Variants in ROCK2 observed in about 807,000 individuals in gnomAD.
ROCK2 encodes rho-associated protein kinase 2.
A neutral mutation model predicts 195.1 loss-of-function variants in ROCK2; 61 were observed. That is an observed-to-expected ratio of 0.31 (90% confidence interval 0.25 to 0.39). The LOEUF (loss-of-function observed/expected upper bound fraction) is 0.39. Ranked by LOEUF, ROCK2 falls within the 10% of genes least tolerant of loss-of-function variation. The pLI is 1.00. For synonymous variants in ROCK2, 504 were observed against 545.5 expected (o/e 0.92, Z 1.06); for missense variants, 1,109 against 1,637.4 (o/e 0.68, Z 5.57).
chr2:11,185,240 AC>A (rs1461753827), intron 32 of ROCK2, among the ~76,000 whole-genome samples: 2 of 152,156 alleles, frequency 1.3e-5, no homozygotes, highest in Non-Finnish European at 2.9e-5. Context: ...TTCCAGTAGG[AC>A]CCTGCCTGCT....
At chr2:11,189,329 C>G (rs1663327024) in intron 32 of ROCK2, among the ~76,000 whole-genome samples, 1 of 152,140 alleles carries the variant, frequency 6.6e-6, no homozygotes, top group African/African-American at 2.4e-5. Flanking sequence ...CCTCTGTTTT[C>G]TTGGATGACC....
intron 1 of ROCK2, among the ~76,000 whole-genome samples, chr2:11,316,587 T>A (rs1345053721): frequency 6.6e-6 from 1 of 152,170 alleles, no homozygotes; most frequent in Middle Eastern, 3.2e-3. Flanking sequence ...GAATTTCTCT[T>A]TCAGGTATGC....
chr2:11,214,906 G>A lies in ROCK2; in HGVS notation c.1870C>T (p.Gln624Ter). Residue 624 changes from glutamine (Q) to a stop codon, truncating the protein, a stop_gained, in exon 16 of 33, where the codon CAG becomes TAG. Transcript: ENST00000315872. LOFTEE classifies it high-confidence loss of function. Reference protein sequence around the residue: ...LKLEKEFINLQSALESERRDR... With the variant: ...LKLEKEFINL ...CTCCTTTCAGATTCTAGAGCTGACT[G>A]AAGATTGATAAATTCCTTTTCAAGT... is the stretch of plus-strand genomic sequence containing the variant. 1 of 1,613,838 alleles carries A rather than the reference G, an allele frequency of 6.2e-7. No homozygotes were observed. Among genetic ancestry groups the A allele is most frequent in the South Asian group, 1.1e-5 (1 of 91,084 alleles).
intron 1 of ROCK2, among the ~76,000 whole-genome samples, chr2:11,320,820 T>A (rs1448756478): frequency 6.6e-6 from 1 of 152,134 alleles, no homozygotes; most frequent in Admixed American, 6.5e-5. Flanking sequence ...GGAACCTAAG[T>A]TGAGCCAAGT....
At chr2:11,316,488 T>C (rs1668196433) in intron 1 of ROCK2, among the ~76,000 whole-genome samples, 1 of 152,028 alleles carries the variant, frequency 6.6e-6, no homozygotes. Context: ...TTTCATGTAC[T>C]CCAAAAAAGG....
At chr2:11,213,300 C>G (rs1055360269) in intron 17 of ROCK2, among the ~76,000 whole-genome samples, 14 of 152,084 alleles carry the variant, frequency 9.2e-5, no homozygotes, top group African/African-American at 3.4e-4. Flanking sequence ...ATTTAAAGCC[C>G]TTAAGTGGCT....
intron 18 of ROCK2, among the ~76,000 whole-genome samples, chr2:11,210,194 T>G (rs999914715): frequency 1.3e-5 from 2 of 152,226 alleles, no homozygotes; most frequent in African/African-American, 4.8e-5. Flanking sequence ...TAGTTAATAC[T>G]GAATTGGTTC....
At chr2:11,292,511 A>C (rs1294276790) in intron 1 of ROCK2, among the ~76,000 whole-genome samples, 1 of 152,206 alleles carries the variant, frequency 6.6e-6, no homozygotes, top group African/African-American at 2.4e-5. Flanking sequence ...TCTTATAAAC[A>C]ATATTGAACT....
At chr2:11,290,461 A>G (rs1351351672) in intron 1 of ROCK2, among the ~76,000 whole-genome samples, 1 of 152,136 alleles carries the variant, frequency 6.6e-6, no homozygotes, top group East Asian at 1.9e-4. Flanking sequence ...ACTAAAACTG[A>G]GATAAAGAAA....
intron 1 of ROCK2, among the ~76,000 whole-genome samples, chr2:11,311,912 T>C (rs1005058066): frequency 1.3e-4 from 20 of 152,198 alleles, no homozygotes; most frequent in African/African-American, 4.1e-4. Flanking sequence ...AGAAAGGCTA[T>C]TACTATCCCC....
At chr2:11,306,144 T>C (rs559278110) in intron 1 of ROCK2, among the ~76,000 whole-genome samples, 3 of 152,222 alleles carry the variant, frequency 2.0e-5, no homozygotes, top group Non-Finnish European at 2.9e-5. Context: ...ATTTGGACAG[T>C]TGACAAATCA....
At chr2:11,310,577 A>G (rs568999304) in intron 1 of ROCK2, among the ~76,000 whole-genome samples, 18 of 152,312 alleles carry the variant, frequency 1.2e-4, no homozygotes, top group African/African-American at 3.4e-4. Flanking sequence ...TCATCACAAA[A>G]TATTCTATTT....
At chr2:11,302,520 T>A (rs1169338301) in intron 1 of ROCK2, among the ~76,000 whole-genome samples, 1 of 152,186 alleles carries the variant, frequency 6.6e-6, no homozygotes, top group Non-Finnish European at 1.5e-5. Flanking sequence ...TTTGGAATAC[T>A]TTGCCCCATC....
chr2:11,289,089 C>T, intron 1 of ROCK2, among the ~76,000 whole-genome samples: 1 of 152,112 alleles, frequency 6.6e-6, no homozygotes, highest in Non-Finnish European at 1.5e-5. Flanking sequence ...AAACTATTAA[C>T]ATTTTTAATA....
Position 11,344,392 on chromosome 2 carries a change from G to C in ROCK2, c.-256C>G, listed in dbSNP as rs1669218283. ...GAACAGACGGCGTCCCCGCCCCTCA[G>C]TCAGATTCGCGCCGCCGGTCCGCTG... On this transcript the variant is annotated 5_prime_UTR_variant, in exon 1 of 33. Coordinates refer to ENST00000315872, the MANE Select transcript of ROCK2 (RefSeq NM_004850.5). The surrounding 1 kb of genome is among the most constrained non-coding windows in gnomAD (Gnocchi z 5.4). The C allele has an allele frequency of 1.2e-5, 14 of 1,122,812 alleles. No individual in the cohort carries two copies. Among genetic ancestry groups the C allele is most frequent in the Non-Finnish European group, 1.4e-5 (13 of 918,790 alleles). The allele number at this position is 1,122,812 out of a possible 1,614,324, so 69.6% of individuals were successfully genotyped here. A position where few individuals can be genotyped will look rare whatever the true frequency, so the allele number is the denominator to read the frequency against.
At chr2:11,298,417 C>T (rs1667601697) in intron 1 of ROCK2, among the ~76,000 whole-genome samples, 1 of 148,148 alleles carries the variant, frequency 6.8e-6, no homozygotes, top group African/African-American at 2.5e-5. Flanking sequence ...CTGCAGTGAG[C>T]CAAGATCGTG....
intron 32 of ROCK2, among the ~76,000 whole-genome samples, chr2:11,188,515 G>A (rs967062638): frequency 6.6e-6 from 1 of 152,044 alleles, no homozygotes; most frequent in African/African-American, 2.4e-5. Context: ...TTCCAGTATG[G>A]CATTTTAATT....
At chr2:11,195,524 C>CT (rs1418531077) in intron 27 of ROCK2, among the ~76,000 whole-genome samples, 2 of 151,284 alleles carry the variant, frequency 1.3e-5, no homozygotes, top group Non-Finnish European at 2.9e-5. Flanking sequence ...TATTTTATTT[C>CT]TTTTTTTTGA....
intron 1 of ROCK2, among the ~76,000 whole-genome samples, chr2:11,313,668 CT>C (rs2148235105): frequency 6.6e-6 from 1 of 151,868 alleles, no homozygotes; most frequent in Admixed American, 6.6e-5. Context: ...GTTTTGTTCA[CT>C]TTCAGTAAAT....
Sources: gnomAD v4.1 joint callset for allele counts (sites outside exome capture counted in the v4.1 genomes callset) on GRCh38, gnomAD v4.1.1 for gene constraint, Gnocchi (gnomAD v3.1) non-coding constraint, MANE v1.5 for transcripts, NCBI Gene and HGNC (gene_info 2026-07-23, HGNC 2026-07-21) for gene names.